FAM78B: variants seen among roughly 807,000 people sequenced by gnomAD.
The protein encoded by FAM78B is family with sequence similarity 78 member B.
Under a neutral mutation model 20.0 loss-of-function variants are expected in FAM78B, and 10 were observed. The observed-to-expected ratio is 0.50, with a 90% CI of 0.31 to 0.85. FAM78B has a LOEUF of 0.85. FAM78B is among the 40% of genes least tolerant of loss of function. FAM78B has a pLI of 0.05. For synonymous variants in FAM78B, 135 were observed against 132.8 expected (o/e 1.02, Z -0.12); for missense variants, 283 against 345.0 (o/e 0.82, Z 1.42).
intron 1 of FAM78B, among the ~76,000 whole-genome samples, chr1:166,111,700 G>A (rs1303905654): frequency 6.6e-6 from 1 of 152,194 alleles, no homozygotes; most frequent in African/African-American, 2.4e-5. Flanking sequence ...CCCTCTGCAT[G>A]GGGGTTTTTC....
At chr1:166,059,275 G>GA (rs1383503645) in exon 3 of FAM78B, 3 of 152,930 alleles carry the variant, frequency 2.0e-5, no homozygotes, top group Non-Finnish European at 4.4e-5. Flanking sequence ...TGGCTGAGCT[G>GA]ATGGGGAAGG....
intron 1 of FAM78B, among the ~76,000 whole-genome samples, chr1:166,156,510 C>T (rs368418840): frequency 6.6e-6 from 1 of 152,096 alleles, no homozygotes; most frequent in African/African-American, 2.4e-5. Context: ...CCAGTGCTTG[C>T]CAGGATGACC....
At chr1:166,119,988 AC>A (rs1654408086) in intron 1 of FAM78B, among the ~76,000 whole-genome samples, 1 of 152,214 alleles carries the variant, frequency 6.6e-6, no homozygotes, top group Admixed American at 6.5e-5. Flanking sequence ...CTGTGGATCT[AC>A]TGTTCCTTGT....
rs189325913 is a variant in FAM78B, at chr1:166,106,306, G to A, written c.264-35543C>T. Among the ~76,000 whole-genome samples, 129 of 151,124 alleles carry A rather than the reference G, an allele frequency of 8.5e-4. 1 individual carries two copies. The highest frequency in any genetic ancestry group is 2.8e-3 in the African/African-American group (117 of 41,142). ...GCCAACATGGCACATGTATACATAT[G>A]TAACAAACCTGCACATTGTGCACAT... On this transcript the variant is annotated intron_variant, in intron 1 of 1. Transcript: ENST00000354422.
At chr1:166,077,639 A>G (rs1023642229) in intron 1 of FAM78B, among the ~76,000 whole-genome samples, 2 of 135,810 alleles carry the variant, frequency 1.5e-5, no homozygotes, top group Admixed American at 7.9e-5. Flanking sequence ...ATATAATTAT[A>G]TATTTATATA....
rs1427782438 is a variant in FAM78B, at chr1:166,069,983, A to AAT, written c.*256_*257dup. ...AAAGAATCATCCTGGTCAGCTCCAA[A>AAT]ATATGGCTACTTGCATGGTAATCAC... On this transcript the variant is annotated 3_prime_UTR_variant, in exon 2 of 2. Transcript: ENST00000354422. 5 of 1,196,844 alleles carry AAT rather than the reference A, an allele frequency of 4.2e-6. No individual in the cohort carries two copies. The African/African-American group carries it at 7.8e-5, about 19-fold the overall frequency. 74.1% of individuals were successfully genotyped at this position (1,196,844 alleles called of 1,614,324 possible).
chr1:166,129,990 G>C (rs1033763464), intron 1 of FAM78B, among the ~76,000 whole-genome samples: 1 of 152,122 alleles, frequency 6.6e-6, no homozygotes, highest in Non-Finnish European at 1.5e-5. Context: ...TTCTACCCTG[G>C]GTCACTGCTC....
chr1:166,070,822 T>G (rs1651998321), intron 1 of FAM78B, 59 bp from the exon 2 acceptor site: 2 of 1,496,808 alleles, frequency 1.3e-6, no homozygotes, highest in Admixed American at 2.2e-5. Flanking sequence ...TTTCAAAAGC[T>G]GGAGAGGTGC....
At chr1:166,156,011 CAG>C (rs1329319824) in intron 1 of FAM78B, among the ~76,000 whole-genome samples, 1 of 152,184 alleles carries the variant, frequency 6.6e-6, no homozygotes, top group Non-Finnish European at 1.5e-5. Context: ...CGGGATGCTG[CAG>C]AAAGTGCTGA....
chr1:166,080,304 G>A (rs1652512716), intron 1 of FAM78B, among the ~76,000 whole-genome samples: 2 of 151,964 alleles, frequency 1.3e-5, no homozygotes, highest in Admixed American at 6.6e-5. Flanking sequence ...TCCCCGTAAT[G>A]CCTTCTCTTT....
At chr1:166,140,554 G>A (rs1384097509) in intron 1 of FAM78B, among the ~76,000 whole-genome samples, 3 of 152,228 alleles carry the variant, frequency 2.0e-5, no homozygotes, top group Admixed American at 6.5e-5. Flanking sequence ...CTCTGCTTAA[G>A]GGAAAGATGA....
chr1:166,060,450 G>A, exon 3 of FAM78B: 1 of 486,372 alleles, frequency 2.1e-6, no homozygotes, highest in Non-Finnish European at 3.8e-6. Flanking sequence ...ATCAGCCCAG[G>A]GCAAGTGCCA....
intron 1 of FAM78B, among the ~76,000 whole-genome samples, chr1:166,097,031 C>G (rs547683104): frequency 3.5e-4 from 53 of 152,296 alleles, no homozygotes; most frequent in African/African-American, 1.1e-3. Context: ...AGACCACCCC[C>G]CAAAACTGTG....
At chr1:166,154,057 T>G (rs1045759231) in intron 1 of FAM78B, among the ~76,000 whole-genome samples, 1 of 152,224 alleles carries the variant, frequency 6.6e-6, no homozygotes, top group Non-Finnish European at 1.5e-5. Context: ...TCCAGGCTGC[T>G]AGGATATCCC....
In FAM78B at chr1:166,136,619, A is replaced by G. The variant is rs146681530; in HGVS notation, c.263+29367T>C. Among the ~76,000 whole-genome samples the G allele has an allele frequency of 1.8e-3, 273 of 152,320 alleles. 1 individual carries two copies. Among genetic ancestry groups the G allele is most frequent in the African/African-American group, 6.4e-3 (265 of 41,576 alleles). The stretch of plus-strand genomic sequence containing the variant: ...AATAAAGGCACCAAAGAGCAGATGA[A>G]CAAGTAAATGGAAACAGGATGATCT... On this transcript the variant is annotated intron_variant, in intron 1 of 1. Coordinates refer to ENST00000354422, the MANE Select transcript of FAM78B (RefSeq NM_001017961.5).
At chr1:166,068,743 A>G (rs566392574), downstream of FAM78B, among the ~76,000 whole-genome samples, 1 of 152,324 alleles carries the variant, frequency 6.6e-6, no homozygotes, top group Non-Finnish European at 1.5e-5. Context: ...TGACAATGTG[A>G]AAGTTTTATA....
At chr1:166,114,728 G>A (rs950544612) in intron 1 of FAM78B, among the ~76,000 whole-genome samples, 3 of 152,164 alleles carry the variant, frequency 2.0e-5, no homozygotes, top group Non-Finnish European at 4.4e-5. Flanking sequence ...GGAAGATGAG[G>A]AGCCTTCCCA....
rs534708958 is a variant in FAM78B at position 166,140,825 on chromosome 1, G to A, written c.263+25161C>T. 1.5e-3 allele frequency among the ~76,000 whole-genome samples: 234 copies of A among 152,330 alleles called. 1 individual carries two copies. Among genetic ancestry groups the A allele is most frequent in the African/African-American group, 5.3e-3 (220 of 41,578 alleles). On this transcript the variant is annotated intron_variant, in intron 1 of 1. Transcript: ENST00000354422. ...TACTATGGAGAGGAAGTGACTTGAA[G>A]TTTACAAAATGGTTTTCCATAATTC...
intron 1 of FAM78B, among the ~76,000 whole-genome samples, chr1:166,136,577 A>G (rs1436975213): frequency 1.3e-5 from 2 of 152,180 alleles, no homozygotes; most frequent in East Asian, 3.9e-4. Flanking sequence ...AACTTTACCG[A>G]TAAGTAATGG....
Sources: gnomAD v4.1 joint callset for allele counts (sites outside exome capture counted in the v4.1 genomes callset) on GRCh38, gnomAD v4.1.1 for gene constraint, MANE v1.5 for transcripts, NCBI Gene and HGNC (gene_info 2026-07-23, HGNC 2026-07-21) for gene names.